Variants in VPS13B observed in about 807,000 individuals in gnomAD.
VPS13B encodes the protein intermembrane lipid transfer protein VPS13B.
In VPS13B, 285 loss-of-function variants were observed where a neutral mutation model predicts 426.4. That is an observed-to-expected ratio of 0.67 (90% CI 0.61 to 0.74). VPS13B has a LOEUF of 0.74. VPS13B is among the 30% of genes least tolerant of loss of function. The pLI is 0.00. For synonymous variants in VPS13B, 1,676 were observed against 1,676.4 expected (o/e 1.00, Z 0.01); for missense variants, 4,537 against 4,782.6 (o/e 0.95, Z 1.51).
intron 36 of VPS13B, among the ~76,000 whole-genome samples, chr8:99,706,440 C>T (rs1398785991): frequency 6.6e-6 from 1 of 152,120 alleles, no homozygotes; most frequent in Admixed American, 6.6e-5. Flanking sequence ...TTTTTCCCAA[C>T]AAAGGAATTA....
chr8:99,247,988 C>A (rs1817312013), intron 17 of VPS13B, among the ~76,000 whole-genome samples: 1 of 152,052 alleles, frequency 6.6e-6, no homozygotes, highest in African/African-American at 2.4e-5. Context: ...TTCCTAAGTG[C>A]AATGAATATA....
chr8:99,728,283 G>T (rs1833436236), intron 39 of VPS13B, among the ~76,000 whole-genome samples: 1 of 152,102 alleles, frequency 6.6e-6, no homozygotes, highest in African/African-American at 2.4e-5. Flanking sequence ...TTCATTAAAT[G>T]CCCCTCCCAG....
At chr8:99,742,085 A>AGTGGTCT (rs1809759737) in intron 39 of VPS13B, among the ~76,000 whole-genome samples, 2 of 152,242 alleles carry the variant, frequency 1.3e-5, no homozygotes, top group African/African-American at 4.8e-5. Context: ...TAGCAAGACT[A>AGTGGTCT]ATAAAGAAGA....
At chr8:99,484,941 T>G (rs1476858726) in intron 25 of VPS13B, among the ~76,000 whole-genome samples, 1 of 152,096 alleles carries the variant, frequency 6.6e-6, no homozygotes, top group Non-Finnish European at 1.5e-5. Flanking sequence ...TTCATAAAAT[T>G]TTTGCATTAG....
intron 19 of VPS13B, among the ~76,000 whole-genome samples, chr8:99,356,440 G>T (rs1180320815): frequency 6.6e-6 from 1 of 152,150 alleles, no homozygotes; most frequent in Non-Finnish European, 1.5e-5. Flanking sequence ...TGGAGACCAG[G>T]AATTCAAGAC....
intron 12 of VPS13B, among the ~76,000 whole-genome samples, chr8:99,139,781 AT>A (rs1409723166): frequency 6.6e-6 from 1 of 151,948 alleles, no homozygotes; most frequent in Admixed American, 6.5e-5. Flanking sequence ...GAAACAAGAA[AT>A]TTGTAGAATT....
intron 15 of VPS13B, among the ~76,000 whole-genome samples, chr8:99,161,039 A>G (rs1303163674): frequency 2.0e-5 from 3 of 152,234 alleles, no homozygotes; most frequent in Non-Finnish European, 2.9e-5. Context: ...TTAGTGATCT[A>G]CCATAATGTT....
At position 99,661,291 on chromosome 8, in the gene VPS13B, A is replaced by G. The variant is rs1830213990; in HGVS notation, c.5909-63A>G. ...TTCTCTCATTTATTAACTCAAACTC[A>G]TATATCAAAATGAGATATTTGTGAT... On this transcript the variant is annotated intron_variant, in intron 34 of 61. Transcript: ENST00000357162. 4 of 1,595,556 alleles carry G rather than the reference A, an allele frequency of 2.5e-6. No homozygotes were observed. The South Asian group carries it at 3.3e-5, about 13-fold the overall frequency.
At chr8:99,830,603 G>A (rs2130851583) in intron 51 of VPS13B, among the ~76,000 whole-genome samples, 1 of 152,286 alleles carries the variant, frequency 6.6e-6, no homozygotes. Flanking sequence ...TTCCAGGGGA[G>A]TGAACGATTC....
chr8:99,279,095 A>T (rs1164729679), intron 19 of VPS13B, among the ~76,000 whole-genome samples: 6 of 152,126 alleles, frequency 3.9e-5, no homozygotes, highest in Non-Finnish European at 8.8e-5. Context: ...TAGGTTCTGC[A>T]GGTGCAGTGG....
At chr8:99,665,104 C>T (rs1360550316) in intron 35 of VPS13B, among the ~76,000 whole-genome samples, 1 of 152,212 alleles carries the variant, frequency 6.6e-6, no homozygotes, top group African/African-American at 2.4e-5. Context: ...TTTTTGGCTA[C>T]ATAAATGTCT....
chr8:99,199,048 A>G (rs1251900025), intron 17 of VPS13B, among the ~76,000 whole-genome samples: 11 of 152,206 alleles, frequency 7.2e-5, no homozygotes. Flanking sequence ...TGTTTTGTGT[A>G]AGTATGTGAT....
At chr8:99,430,210 G>A (rs1476237930) in intron 21 of VPS13B, among the ~76,000 whole-genome samples, 6 of 152,140 alleles carry the variant, frequency 3.9e-5, no homozygotes, top group Admixed American at 2.0e-4. Flanking sequence ...TGCCCTTAAG[G>A]TATTTTAAAT....
At chr8:99,032,504 C>T (rs1842550607) in intron 2 of VPS13B, among the ~76,000 whole-genome samples, 1 of 148,576 alleles carries the variant, frequency 6.7e-6, no homozygotes, top group African/African-American at 2.5e-5. Context: ...TTTCAAATTG[C>T]TTTTGAATTA....
chr8:99,016,378 C>G (rs1488168604), intron 2 of VPS13B, among the ~76,000 whole-genome samples: 2 of 152,054 alleles, frequency 1.3e-5, no homozygotes, highest in African/African-American at 4.8e-5. Flanking sequence ...TTTGCTACTA[C>G]TTGTTATGTT....
chr8:99,096,713 G>A (rs1009848515), intron 4 of VPS13B, among the ~76,000 whole-genome samples: 3 of 147,590 alleles, frequency 2.0e-5, no homozygotes, highest in African/African-American at 7.6e-5. Context: ...CCAAGATCAT[G>A]CTACTGCATT....
chr8:99,410,670 C>T (rs151150581), intron 21 of VPS13B, among the ~76,000 whole-genome samples: 9,443 of 151,872 alleles, frequency 0.062, 405 homozygotes, highest in Non-Finnish European at 0.091. Context: ...CCCATCTACC[C>T]GTCATCTACA....
chr8:99,787,259 C>T (rs1351148908), intron 43 of VPS13B, among the ~76,000 whole-genome samples: 1 of 152,036 alleles, frequency 6.6e-6, no homozygotes, highest in Non-Finnish European at 1.5e-5. Flanking sequence ...TTGCTAACAA[C>T]AGTAAGTCCC....
chr8:99,275,295 T>G, intron 19 of VPS13B, 41 bp downstream of exon 19: 1 of 1,482,914 alleles, frequency 6.7e-7, no homozygotes, highest in East Asian at 2.5e-5. Context: ...TTTGCTTTTT[T>G]TTTTTTTTTT....
Sources: allele counts gnomAD v4.1 joint callset (sites outside exome capture counted in the v4.1 genomes callset), GRCh38; gene constraint gnomAD v4.1.1; transcripts MANE v1.5; gene names NCBI Gene and HGNC (gene_info 2026-07-23, HGNC 2026-07-21).